Variants in PIP5K1C observed in about 807,000 individuals in gnomAD.
The protein encoded by PIP5K1C is phosphatidylinositol-4-phosphate 5-kinase type 1 gamma, also known as phosphatidylinositol 4-phosphate 5-kinase type-1 gamma.
In PIP5K1C, 45 loss-of-function variants were observed where a neutral mutation model predicts 80.1. The observed-to-expected ratio is 0.56, with a 90% CI of 0.44 to 0.72. The LOEUF (loss-of-function observed/expected upper bound fraction) is 0.72, where lower values mean the gene tolerates loss of function less well. Among genes scored for constraint, PIP5K1C ranks in the 30% least tolerant of loss-of-function variants. The pLI is 0.00. For synonymous variants in PIP5K1C, 498 were observed against 420.1 expected, an observed-to-expected ratio of 1.19 and a Z score of -2.27; for missense variants, 753 against 954.6, an observed-to-expected ratio of 0.79 and a Z score of 2.78.
At chr19:3,683,506 C>T (rs1455086328) in intron 1 of PIP5K1C, among the ~76,000 whole-genome samples, 1 of 152,222 alleles carries the variant, frequency 6.6e-6, no homozygotes, top group Non-Finnish European at 1.5e-5. Context: ...CATATGAGAA[C>T]CCCATGGCTT....
intron 1 of PIP5K1C, chr19:3,669,773 G>C (rs1169668248): frequency 6.8e-6 from 1 of 147,050 alleles, no homozygotes; most frequent in Non-Finnish European, 1.5e-5. Flanking sequence ...GGAGACCCAC[G>C]TGTGTCCCAT....
At chr19:3,698,425 C>T (rs2036193431) in intron 1 of PIP5K1C, among the ~76,000 whole-genome samples, 1 of 152,248 alleles carries the variant, frequency 6.6e-6, no homozygotes, top group Non-Finnish European at 1.5e-5. Context: ...TGGCGCTCGC[C>T]CTCTCTACAA....
rs2033770327 is a variant in PIP5K1C, at chr19:3,637,867, G to GT, written c.1920+1016dup. The GT allele has an allele frequency of 1.3e-6, 2 of 1,535,358 alleles. No individual in the cohort carries two copies. The highest frequency in any genetic ancestry group is 8.7e-7 in the Non-Finnish European group (1 of 1,146,692). On this transcript the variant is annotated intron_variant, in intron 16 of 17. Coordinates refer to ENST00000335312, the MANE Select transcript of PIP5K1C (RefSeq NM_012398.3). This position sits in a 1 kb window ranked among gnomAD's most constrained non-coding sequence, Gnocchi z 7.0. ...GCACGACATGGCCCCCAGGCCCCCCGTACCATCCGGAGACCAGGACGCGCA... is the reference window on the plus strand; with the variant it reads ...GCACGACATGGCCCCCAGGCCCCCCGTTACCATCCGGAGACCAGGACGCGCA...
chr19:3,684,732 G>T (rs1479502073), intron 1 of PIP5K1C, among the ~76,000 whole-genome samples: 1 of 152,228 alleles, frequency 6.6e-6, no homozygotes, highest in Non-Finnish European at 1.5e-5. Context: ...CCCAGAGCGG[G>T]ACCACCACCT....
chr19:3,638,990 G>A lies in PIP5K1C; in HGVS notation c.1814C>T (p.Ser605Phe). 6.2e-7 allele frequency: 1 copy of A among 1,611,818 alleles called. No homozygotes were observed. The highest frequency in any genetic ancestry group is 8.5e-7 in the Non-Finnish European group (1 of 1,179,924). The change falls in exon 16 of 18, where the codon TCT becomes TTT. Residue 605 changes from serine (S) to phenylalanine (F), a missense_variant. Physicochemically the swap from Ser to Phe is radical, Grantham distance 155. Around this residue, in one of 6 missense-constraint regions of PIP5K1C, gnomAD observed 315 missense variants for 294.5 expected, o/e 1.07. Coordinates refer to ENST00000335312, the MANE Select transcript of PIP5K1C (RefSeq NM_012398.3). The part of the protein sequence containing the change: ...AGVEASPAGA[S>F]AAVEVETASQ... ...GGCAGTTTCTACTTCAACAGCAGCA[G>A]AGGCACCGGCCGGGGAAGCCTCCAC...
chr19:3,633,373 G>C, intron 17 of PIP5K1C, 64 bp downstream of exon 17: 1 of 1,289,130 alleles, frequency 7.8e-7, no homozygotes, highest in Non-Finnish European at 1.1e-6. Flanking sequence ...CCAGTAGCTG[G>C]GGACCACGCT....
At chr19:3,677,944 G>A in intron 1 of PIP5K1C, among the ~76,000 whole-genome samples, 1 of 139,714 alleles carries the variant, frequency 7.2e-6, no homozygotes, top group African/African-American at 2.7e-5. Flanking sequence ...TGGAGGGATG[G>A]AGGGAGGGAT....
chr19:3,655,290 C>T lies in PIP5K1C; in HGVS notation c.621+1115G>A, dbSNP rs561400358. Among the ~76,000 whole-genome samples, 349 of 147,974 alleles carry T rather than the reference C, an allele frequency of 2.4e-3. 3 individuals are homozygous for T. Among genetic ancestry groups the T allele is most frequent in the African/African-American group, 8.1e-3 (322 of 39,888 alleles). ...AAAAATAGCCAGGCGTGGTGGCGGGCGCCTGTAGTCCCAGCTACTCGGGAG... is the reference window on the plus strand; with the variant it reads ...AAAAATAGCCAGGCGTGGTGGCGGGTGCCTGTAGTCCCAGCTACTCGGGAG... On this transcript the variant is annotated intron_variant, in intron 6 of 17. Coordinates refer to ENST00000335312, the MANE Select transcript of PIP5K1C (RefSeq NM_012398.3).
intron 1 of PIP5K1C, among the ~76,000 whole-genome samples, chr19:3,677,582 CA>C (rs369566328): frequency 0.071 from 10,454 of 147,860 alleles, 451 homozygotes; most frequent in Non-Finnish European, 0.093. Context: ...GACTCCCTCT[CA>C]AAAAAAAAGA....
chr19:3,644,307 C>T (rs2034118563), intron 11 of PIP5K1C, 56 bp from the exon 12 acceptor site: 7 of 1,566,208 alleles, frequency 4.5e-6, no homozygotes, highest in African/African-American at 2.7e-5. Context: ...ATAGCAAAGC[C>T]CAGACAGGGC....
rs1369588375 is a variant in PIP5K1C at position 3,630,723 on chromosome 19, A to G, written c.*2444T>C. The G allele has an allele frequency of 6.6e-6, 1 of 152,342 alleles. No individual in the cohort carries two copies. The highest frequency in any genetic ancestry group is 1.5e-5 in the Non-Finnish European group (1 of 68,044). 9.4% of individuals were successfully genotyped at this position (152,342 alleles called of 1,614,324 possible). On this transcript the variant is annotated 3_prime_UTR_variant, in exon 18 of 18. Coordinates refer to ENST00000335312, the MANE Select transcript of PIP5K1C (RefSeq NM_012398.3). ...GTCAGTCTCAGAGCAAACGCCTTTT[A>G]GTCTTTACAGTACAGGAATTTGGAC...
chr19:3,685,136 G>A (rs1451040252), intron 1 of PIP5K1C, among the ~76,000 whole-genome samples: 1 of 152,180 alleles, frequency 6.6e-6, no homozygotes, highest in Non-Finnish European at 1.5e-5. Flanking sequence ...CCCCTCTAAT[G>A]ATAAAAGACA....
chr19:3,638,544 C>T (rs1451127958), intron 16 of PIP5K1C, among the ~76,000 whole-genome samples: 3 of 152,234 alleles, frequency 2.0e-5, no homozygotes, highest in Admixed American at 6.5e-5. Context: ...CTGAGGACTC[C>T]GGACGACTTC....
chr19:3,651,703 C>CT, intron 8 of PIP5K1C, 123 bp downstream of exon 8: 1 of 976,174 alleles, frequency 1.0e-6, no homozygotes, highest in Non-Finnish European at 1.6e-6. Context: ...CAGACTCTGT[C>CT]TGTCACCCAC....
At chr19:3,669,915 C>G (rs1179164676) in intron 1 of PIP5K1C, 5 of 152,336 alleles carry the variant, frequency 3.3e-5, no homozygotes, top group African/African-American at 1.2e-4. Context: ...CTGCCGGAGA[C>G]AAGACGAAGG....
chr19:3,681,270 G>T (rs866927489), intron 1 of PIP5K1C, among the ~76,000 whole-genome samples: 2 of 148,406 alleles, frequency 1.3e-5, no homozygotes, highest in Non-Finnish European at 3.0e-5. Flanking sequence ...TCGTTCTGTC[G>T]CCCAGGCTGG....
Position 3,641,793 on chromosome 19 carries a change from G to T in PIP5K1C, c.1699C>A (p.Pro567Thr). The T allele has an allele frequency of 6.2e-7, 1 of 1,611,898 alleles. No individual in the cohort carries two copies. The change falls in exon 15 of 18, where the codon CCC (proline) becomes ACC (threonine). Residue 567 changes from proline to threonine, a missense_variant. Around this residue, in one of 6 missense-constraint regions of PIP5K1C, gnomAD observed 315 missense variants for 294.5 expected, o/e 1.07. Coordinates refer to ENST00000335312, the MANE Select transcript of PIP5K1C (RefSeq NM_012398.3). ...GQDGRPQEEPPAEEDLQQITV... is the reference protein window; with the variant it reads ...GQDGRPQEEPTAEEDLQQITV... ...ATCTGCTGCAGATCCTCTTCCGCGG[G>T]TGGCTCCTCCTGCGGCCTGCAGGCA...
intron 1 of PIP5K1C, among the ~76,000 whole-genome samples, chr19:3,673,323 C>G (rs1042593204): frequency 6.6e-6 from 1 of 152,148 alleles, no homozygotes; most frequent in African/African-American, 2.4e-5. Flanking sequence ...CCTCCTCCAG[C>G]CAACCTGCAC....
rs1406754559 is a variant in PIP5K1C, at chr19:3,688,850, C to T, written c.94+11447G>A. 6.6e-6 allele frequency among the ~76,000 whole-genome samples: 1 copy of T among 152,140 alleles called. No homozygotes were observed. Among genetic ancestry groups the T allele is most frequent in the South Asian group, 2.1e-4 (1 of 4,834 alleles). ...CATGGCCCCCCACCCCGTTTTTGAG[C>T]CCCCACACAGCCGAATACATGCCCC... On this transcript the variant is annotated intron_variant, in intron 1 of 17. Transcript: ENST00000335312. The surrounding 1 kb of genome is among the most constrained non-coding windows in gnomAD (Gnocchi z 5.3).
Sources: gnomAD v4.1 joint callset for allele counts (sites outside exome capture counted in the v4.1 genomes callset) on GRCh38, gnomAD v4.1.1 for gene constraint, gnomAD v4.1.1 regional missense constraint, Gnocchi (gnomAD v3.1) non-coding constraint, MANE v1.5 for transcripts, NCBI Gene and HGNC (gene_info 2026-07-23, HGNC 2026-07-21) for gene names.